Variants in CACNA1C observed in about 807,000 individuals in gnomAD.
CACNA1C encodes voltage-dependent L-type calcium channel subunit alpha-1C.
CACNA1C carries 30 observed loss-of-function variants against 229.0 expected under a neutral mutation model. The ratio of observed to expected loss-of-function variants is 0.13; its 90% CI spans 0.10 to 0.18. The LOEUF is 0.18. Ranked by LOEUF, CACNA1C falls within the 10% of genes least tolerant of loss-of-function variation. The probability of loss-of-function intolerance (pLI) is 1.00; values close to 1 mark genes in which losing one functional copy is unlikely to be tolerated. For synonymous variants in CACNA1C, 1,114 were observed against 1,132.5 expected (o/e 0.98, Z 0.33); for missense variants, 1,658 against 2,845.0 (o/e 0.58, Z 9.49).
At chr12:2,363,852 G>T (rs994823378) in intron 3 of CACNA1C, among the ~76,000 whole-genome samples, 5 of 152,230 alleles carry the variant, frequency 3.3e-5, no homozygotes, top group Admixed American at 1.3e-4. Context: ...GTGAAGCACA[G>T]TTTGGAAGGG....
intron 4 of CACNA1C, among the ~76,000 whole-genome samples, chr12:2,449,432 G>A (rs2099333138): frequency 6.6e-6 from 1 of 152,198 alleles, no homozygotes; most frequent in Admixed American, 6.5e-5. Flanking sequence ...TTCCACCCTA[G>A]TGTGCACTCC....
chr12:2,375,991 G>A (rs190103038), intron 3 of CACNA1C, among the ~76,000 whole-genome samples: 4 of 152,316 alleles, frequency 2.6e-5, no homozygotes, highest in South Asian at 2.1e-4. Context: ...ACCAAACAAC[G>A]AAGCAAGCAA....
chr12:1,992,130 G>T, intron 1 of CACNA1C: 1 of 262,352 alleles, frequency 3.8e-6, no homozygotes, highest in South Asian at 4.3e-5. Flanking sequence ...TGTACCTTTC[G>T]GCAAAGAAAC....
chr12:2,234,113 C>T (rs1033557483), intron 3 of CACNA1C, among the ~76,000 whole-genome samples: 1 of 152,128 alleles, frequency 6.6e-6, no homozygotes, highest in African/African-American at 2.4e-5. Flanking sequence ...AAGGTGTCTC[C>T]AGCAAGGAGT....
rs926888175 is a variant in CACNA1C at position 2,647,456 on chromosome 12, T to C, written c.3913-1019T>C. 2.0e-5 allele frequency among the ~76,000 whole-genome samples: 3 copies of C among 152,244 alleles called. No homozygotes were observed. Among genetic ancestry groups the C allele is most frequent in the African/African-American group, 7.2e-5 (3 of 41,468 alleles). On this transcript the variant is annotated intron_variant, in intron 30 of 46. Coordinates refer to ENST00000399655, the MANE Select transcript of CACNA1C (RefSeq NM_000719.7). The surrounding 1 kb of genome is among the most constrained non-coding windows in gnomAD (Gnocchi z 4.2). Reference sequence around the variant, plus strand: ...TGAGAACAGCTTCCTGGGGTGTTAGTGTCCTAAATTGTGTGCAGGGCTTTC... The same window carrying C: ...TGAGAACAGCTTCCTGGGGTGTTAGCGTCCTAAATTGTGTGCAGGGCTTTC...
intron 9 of CACNA1C, among the ~76,000 whole-genome samples, chr12:2,514,085 C>T (rs2099790962): frequency 6.6e-6 from 1 of 152,124 alleles, no homozygotes; most frequent in African/African-American, 2.4e-5. Flanking sequence ...TAGAGTACTC[C>T]ACGAAGCAAA....
intron 1 of CACNA1C, among the ~76,000 whole-genome samples, chr12:2,074,538 G>C (rs972912361): frequency 6.6e-6 from 1 of 152,062 alleles, no homozygotes; most frequent in Non-Finnish European, 1.5e-5. Flanking sequence ...AACTTGTTGC[G>C]ACTCCTCTGG....
intron 5 of CACNA1C, among the ~76,000 whole-genome samples, chr12:2,460,367 A>G (rs1282582714): frequency 6.6e-6 from 1 of 152,218 alleles, no homozygotes; most frequent in African/African-American, 2.4e-5. Flanking sequence ...AACGATTGAG[A>G]ACACATAGCA....
At chr12:2,457,997 C>T (rs1439756566) in intron 5 of CACNA1C, among the ~76,000 whole-genome samples, 1 of 152,120 alleles carries the variant, frequency 6.6e-6, no homozygotes, top group East Asian at 1.9e-4. Context: ...CCCTGGAGGC[C>T]CTGGGATGGG....
intron 1 of CACNA1C, among the ~76,000 whole-genome samples, chr12:1,996,887 T>TTG (rs1279562683): frequency 2.6e-5 from 4 of 152,178 alleles, no homozygotes; most frequent in East Asian, 3.9e-4. Context: ...GAAAATACAC[T>TTG]TGTGTGTGTG....
intron 3 of CACNA1C, among the ~76,000 whole-genome samples, chr12:2,154,887 T>C (rs955409158): frequency 2.6e-5 from 4 of 152,150 alleles, no homozygotes; most frequent in Non-Finnish European, 5.9e-5. Flanking sequence ...GATGATCATG[T>C]TGGTGTTGAC....
chr12:2,044,407 CTT>C (rs1211676581), intron 1 of CACNA1C, among the ~76,000 whole-genome samples: 1 of 152,098 alleles, frequency 6.6e-6, no homozygotes, highest in Admixed American at 6.6e-5. Flanking sequence ...GCCCTCGTGA[CTT>C]TGCCTATTTC....
intron 11 of CACNA1C, among the ~76,000 whole-genome samples, chr12:2,559,854 A>C (rs1030056333): frequency 4.6e-5 from 7 of 152,244 alleles, no homozygotes; most frequent in Non-Finnish European, 8.8e-5. Context: ...CAAGCCACAT[A>C]TGTACTTTTA....
At chr12:2,269,205 A>G (rs956123993) in intron 3 of CACNA1C, among the ~76,000 whole-genome samples, 1 of 152,242 alleles carries the variant, frequency 6.6e-6, no homozygotes, top group Non-Finnish European at 1.5e-5. Flanking sequence ...CATTCCAAGG[A>G]GTCCGGGAGG....
chr12:2,126,374 A>C, intron 3 of CACNA1C, among the ~76,000 whole-genome samples: 1 of 152,280 alleles, frequency 6.6e-6, no homozygotes, highest in South Asian at 2.1e-4. Flanking sequence ...GTCTACCAAG[A>C]GCTATTACCT....
intron 3 of CACNA1C, among the ~76,000 whole-genome samples, chr12:2,244,619 G>A (rs1342472275): frequency 2.0e-5 from 3 of 152,198 alleles, no homozygotes; most frequent in African/African-American, 4.8e-5. Flanking sequence ...GGGCATGAGG[G>A]GTGAAGCCAC....
intron 1 of CACNA1C, among the ~76,000 whole-genome samples, chr12:2,109,245 C>CCACTAA (rs2080616300): frequency 6.6e-6 from 1 of 152,128 alleles, no homozygotes; most frequent in Non-Finnish European, 1.5e-5. Flanking sequence ...TTTCCAATGC[C>CCACTAA]AGGGGCGTTG....
chr12:2,300,331 C>T (rs146885936), intron 3 of CACNA1C, among the ~76,000 whole-genome samples: 1,578 of 152,268 alleles, frequency 0.01, 23 homozygotes, highest in African/African-American at 0.036. Context: ...ATAAAAAGGA[C>T]CAGGCCGGGC....
chr12:2,667,285 C>CGCTCCTTTTCTCCATGGCCACTCCGT (rs2096236833), intron 37 of CACNA1C, among the ~76,000 whole-genome samples: 1 of 127,432 alleles, frequency 7.8e-6, no homozygotes, highest in African/African-American at 3.7e-5. Flanking sequence ...GGCCACTCCA[C>CGCTCCTTTTCTCCATGGCCACTCCGT]GCTCCTTTTC....
Sources: allele counts gnomAD v4.1 joint callset (sites outside exome capture counted in the v4.1 genomes callset), GRCh38; gene constraint gnomAD v4.1.1; non-coding constraint Gnocchi (gnomAD v3.1); transcripts MANE v1.5; gene names NCBI Gene and HGNC (gene_info 2026-07-23, HGNC 2026-07-21).